The following ALG13 variants were observed in gnomAD, a reference collection of about 807,000 sequenced individuals.
ALG13 encodes the protein UDP-N-acetylglucosamine transferase subunit ALG13.
ALG13 carries 11 observed loss-of-function variants against 87.8 expected under a neutral mutation model. That is an observed-to-expected ratio of 0.13 (90% confidence interval 0.08 to 0.21). The LOEUF is 0.21. ALG13 is among the 10% of genes least tolerant of loss of function. The probability of loss-of-function intolerance (pLI) is 1.00; values close to 1 mark genes in which losing one functional copy is unlikely to be tolerated. For missense variants in ALG13, 756 were observed against 866.1 expected, an observed-to-expected ratio of 0.87 and a Z score of 1.60; for synonymous variants, 320 against 306.3, an observed-to-expected ratio of 1.04 and a Z score of -0.47.
At position 111,760,168 on chromosome X, in the gene ALG13, G is replaced by T; in HGVS notation, c.*169G>T. The T allele has an allele frequency of 1.7e-6, 1 of 576,508 alleles. No individual in the cohort carries two copies. Among genetic ancestry groups the T allele is most frequent in the South Asian group, 3.9e-5 (1 of 25,918 alleles). The allele number at this position is 576,508 out of a possible 1,213,427, so 47.5% of individuals were successfully genotyped here. A position where few individuals can be genotyped will look rare whatever the true frequency, so the allele number is the denominator to read the frequency against. On this transcript the variant is annotated 3_prime_UTR_variant, in exon 27 of 27. Coordinates refer to ENST00000394780, the MANE Select transcript of ALG13 (RefSeq NM_001099922.3). ...TAAAATAGTACTTTAAAATTAAGGG[G>T]TATTATTTTGGGCTGTGACTAAGGA...
rs188086476 is a variant in ALG13, at chrX:111,759,595, G to A, written c.3149-139G>A. ...TCTTTACTCATTATTTGTATTTAAA[G>A]TGCTCCTGCTGCAATTGCTGTGATC... On this transcript the variant is annotated intron_variant, in intron 26 of 26. Coordinates refer to ENST00000394780, the MANE Select transcript of ALG13 (RefSeq NM_001099922.3). 8.1e-4 allele frequency: 381 copies of A among 469,863 alleles called. 6 individuals carry two copies. The East Asian group carries it at 0.014, about 18-fold the overall frequency. The allele number at this position is 469,863 out of a possible 1,213,427, so 38.7% of individuals were successfully genotyped here.
chrX:111,684,756 G>A (rs1934502920), intron 2 of ALG13, among the ~76,000 whole-genome samples: 1 of 112,416 alleles, frequency 8.9e-6, no homozygotes, highest in Admixed American at 9.4e-5. Flanking sequence ...CAGTGATAAA[G>A]TAATGTATTT....
chrX:111,734,297 A>G (rs764825095), intron 21 of ALG13: 11 of 112,764 alleles, frequency 9.8e-5, no homozygotes, highest in African/African-American at 3.5e-4. Flanking sequence ...ACTCAAATAA[A>G]TGTTTCTCTA....
At chrX:111,711,038 T>G (rs1178750210) in intron 5 of ALG13, 3 of 112,912 alleles carry the variant, frequency 2.7e-5, no homozygotes, top group African/African-American at 9.6e-5. Flanking sequence ...AAGGAAAATT[T>G]AAATGATTTT....
intron 24 of ALG13, among the ~76,000 whole-genome samples, chrX:111,746,721 A>G (rs758945217): frequency 8.9e-6 from 1 of 112,088 alleles, no homozygotes; most frequent in South Asian, 3.7e-4. Context: ...TTGCTGGGTC[A>G]TAGAGAGATA....
At chrX:111,694,112 C>T (rs1425800467) in intron 3 of ALG13, among the ~76,000 whole-genome samples, 2 of 110,345 alleles carry the variant, frequency 1.8e-5, no homozygotes, top group Admixed American at 9.6e-5. Flanking sequence ...GGCGCGGTCT[C>T]TGCTCACTGC....
rs776506326 is a variant in ALG13 at position 111,725,010 on chromosome X, C to T, written c.1678C>T (p.Arg560Trp). Residue 560 changes from arginine (R) to tryptophan (W), a missense_variant, in exon 15 of 27, where the codon CGG (arginine) becomes TGG (tryptophan). Physicochemically the swap from Arg to Trp is moderately radical, Grantham distance 101 (BLOSUM62 -3). Transcript: ENST00000394780. The stretch of plus-strand genomic sequence containing the variant: ...TCCTGCCTGGAATGCTATGCCCAGT[C>T]GGAAAGGAAGAGGTTACCAGAAAAT... Reference protein sequence around the residue: ...SVPAWNAMPSRKGRGYQKMPG... With the variant: ...SVPAWNAMPSWKGRGYQKMPG... 2 of 1,209,057 alleles carry T rather than the reference C, an allele frequency of 1.7e-6. No individual in the cohort carries two copies. The highest frequency in any genetic ancestry group is 2.2e-6 in the Non-Finnish European group (2 of 894,565).
intron 3 of ALG13, among the ~76,000 whole-genome samples, chrX:111,699,295 A>T (rs1232833392): frequency 2.8e-5 from 3 of 108,927 alleles, no homozygotes; most frequent in Admixed American, 9.8e-5. Context: ...TTAACCCCTT[A>T]TCAGATGTAT....
chrX:111,726,669 C>A lies in ALG13; in HGVS notation c.1730-140C>A, dbSNP rs1249557898. ...AGATCTAGTATATCCTTCAAAAATA[C>A]AAAAATTCCCTCCCTATGTTTATTT... On this transcript the variant is annotated intron_variant, in intron 15 of 26. Coordinates refer to ENST00000394780, the MANE Select transcript of ALG13 (RefSeq NM_001099922.3). 5.8e-6 allele frequency: 4 copies of A among 687,797 alleles called. No individual in the cohort carries two copies. In the African/African-American group the frequency reaches 6.6e-5, roughly 11 times the overall value. The allele number at this position is 687,797 out of a possible 1,213,427, so 56.7% of individuals were successfully genotyped here. A position where few individuals can be genotyped will look rare whatever the true frequency, so the allele number is the denominator to read the frequency against.
rs1312083731 is a variant in ALG13, at chrX:111,736,698, T to C, written c.2530-16T>C. 8.3e-7 allele frequency: 1 copy of C among 1,203,844 alleles called. No homozygotes were observed. Among genetic ancestry groups the C allele is most frequent in the African/African-American group, 1.7e-5 (1 of 57,554 alleles). ...AACCAAACTTAAGAGTTTTGAACTT[T>C]CTTCCACACTTACAGATGATGGGAA... On this transcript the variant is annotated splice_polypyrimidine_tract_variant and intron_variant, in intron 22 of 26. Coordinates refer to ENST00000394780, the MANE Select transcript of ALG13 (RefSeq NM_001099922.3).
intron 14 of ALG13, 133 bp from the exon 15 acceptor site, chrX:111,724,801 A>T: frequency 1.5e-6 from 1 of 677,823 alleles, no homozygotes; most frequent in Non-Finnish European, 2.2e-6. Flanking sequence ...ACTAATAAAA[A>T]ATTAAACAAG....
At chrX:111,698,259 A>G (rs1045970462) in intron 3 of ALG13, among the ~76,000 whole-genome samples, 5 of 112,007 alleles carry the variant, frequency 4.5e-5, no homozygotes, top group Non-Finnish European at 9.4e-5. Flanking sequence ...ACACGTCACA[A>G]TTGTATATGC....
At chrX:111,713,083 A>C in intron 7 of ALG13, 142 bp from the exon 8 acceptor site, 4 of 430,100 alleles carry the variant, frequency 9.3e-6, no homozygotes, top group Non-Finnish European at 1.6e-5. Context: ...GGGTTATTTT[A>C]AAGCCAAACA....
Position 111,708,237 on chromosome X carries a change from C to T in ALG13, c.594C>T (p.Thr198=), listed in dbSNP as rs2147998048. The T allele has an allele frequency of 1.7e-6, 2 of 1,211,567 alleles. No homozygotes were observed. The highest frequency in any genetic ancestry group is 2.2e-6 in the Non-Finnish European group (2 of 895,384). ...SCHAFFPLPL[T]PTLYKMHKGW... Reference sequence around the variant, plus strand: ...ACGCTTTTTTTCCTCTCCCTCTTACCCCCACCCTGTACAAAATGCATAAAG... The same window carrying T: ...ACGCTTTTTTTCCTCTCCCTCTTACTCCCACCCTGTACAAAATGCATAAAG... Residue 198 remains threonine, a synonymous_variant, in exon 4 of 27, where the codon ACC becomes ACT. Coordinates refer to ENST00000394780, the MANE Select transcript of ALG13 (RefSeq NM_001099922.3).
intron 26 of ALG13, 101 bp downstream of exon 26, chrX:111,757,863 C>A: frequency 2.5e-6 from 2 of 800,301 alleles, no homozygotes; most frequent in African/African-American, 2.1e-5. Context: ...ATGTACTACA[C>A]CAGTGATTCT....
At chrX:111,736,913 T>C (rs1298874458) in intron 23 of ALG13, 34 bp downstream of exon 23, 1 of 1,130,490 alleles carries the variant, frequency 8.8e-7, no homozygotes, top group East Asian at 3.1e-5. Context: ...TTTGGAAGCC[T>C]CTTTTCCTAT....
At chrX:111,745,776 T>C (rs899970470) in intron 24 of ALG13, among the ~76,000 whole-genome samples, 32 of 111,155 alleles carry the variant, frequency 2.9e-4, no homozygotes, top group African/African-American at 1.0e-3. Flanking sequence ...CACAAAACAT[T>C]GACTTTTCTC....
chrX:111,721,539 C>T (rs1360644296), intron 11 of ALG13, 64 bp from the exon 12 acceptor site: 1 of 541,661 alleles, frequency 1.8e-6, no homozygotes, highest in Non-Finnish European at 3.0e-6. Flanking sequence ...AAACTTAATT[C>T]TTCCTTCTTC....
intron 13 of ALG13, among the ~76,000 whole-genome samples, chrX:111,723,339 C>T (rs1250796587): frequency 6.4e-5 from 7 of 109,267 alleles, no homozygotes; most frequent in Admixed American, 9.8e-5. Flanking sequence ...GTGGTTCCAC[C>T]GTGTTAGCCA....
Sources: gnomAD v4.1 joint callset for allele counts (sites outside exome capture counted in the v4.1 genomes callset) on GRCh38, gnomAD v4.1.1 for gene constraint, MANE v1.5 for transcripts, NCBI Gene and HGNC (gene_info 2026-07-23, HGNC 2026-07-21) for gene names.